FAM110B: variants seen among roughly 807,000 people sequenced by gnomAD.
FAM110B encodes the protein family with sequence similarity 110 member B, also known as protein FAM110B.
Under a neutral mutation model 20.4 loss-of-function variants are expected in FAM110B, and 6 were observed. That is an observed-to-expected ratio of 0.29 (90% CI 0.16 to 0.58). FAM110B has a LOEUF of 0.58. FAM110B is among the 20% of genes least tolerant of loss of function. FAM110B has a pLI of 0.90. For synonymous variants in FAM110B, 226 were observed against 214.1 expected (o/e 1.06, Z -0.49); for missense variants, 434 against 498.2 (o/e 0.87, Z 1.23).
At chr8:58,029,372 G>A (rs1326933625) in intron 1 of FAM110B, among the ~76,000 whole-genome samples, 3 of 152,118 alleles carry the variant, frequency 2.0e-5, no homozygotes, top group African/African-American at 7.2e-5. Context: ...GACAACCTAA[G>A]AATATCCCAA....
intron 3 of FAM110B, among the ~76,000 whole-genome samples, chr8:58,133,305 A>G (rs1467385384): frequency 6.6e-6 from 1 of 150,676 alleles, no homozygotes; most frequent in Non-Finnish European, 1.5e-5. Context: ...TTAGATTTGT[A>G]TTCTTTTATC....
intron 3 of FAM110B, among the ~76,000 whole-genome samples, chr8:58,096,619 G>A (rs1806638482): frequency 6.6e-6 from 1 of 152,156 alleles, no homozygotes; most frequent in African/African-American, 2.4e-5. Flanking sequence ...GTTAGTTTAT[G>A]CAGTTTCTTC....
intron 1 of FAM110B, among the ~76,000 whole-genome samples, chr8:58,005,414 A>G (rs1804381041): frequency 6.6e-6 from 1 of 152,226 alleles, no homozygotes; most frequent in Non-Finnish European, 1.5e-5. Context: ...AAAAGTTTAA[A>G]ATATTGTGCG....
chr8:58,030,980 T>C (rs1338216760), intron 1 of FAM110B, among the ~76,000 whole-genome samples: 1 of 152,214 alleles, frequency 6.6e-6, no homozygotes, highest in Non-Finnish European at 1.5e-5. Context: ...GTCCAGTCGA[T>C]GTTAATTTTT....
At chr8:58,084,654 C>CT (rs1806286599) in intron 3 of FAM110B, among the ~76,000 whole-genome samples, 1 of 152,104 alleles carries the variant, frequency 6.6e-6, no homozygotes, top group African/African-American at 2.4e-5. Context: ...GCTCAAAGTG[C>CT]TGGGATTATA....
At chr8:58,093,691 A>T (rs1371859595) in intron 3 of FAM110B, among the ~76,000 whole-genome samples, 3 of 152,100 alleles carry the variant, frequency 2.0e-5, no homozygotes. Context: ...TGATGCCTCC[A>T]GCTTTGTTCT....
chr8:58,067,143 G>A (rs1293595296), intron 2 of FAM110B, among the ~76,000 whole-genome samples: 1 of 152,184 alleles, frequency 6.6e-6, no homozygotes, highest in East Asian at 1.9e-4. Flanking sequence ...AGCTGTAACA[G>A]TTGTAACAAT....
intron 3 of FAM110B, among the ~76,000 whole-genome samples, chr8:58,135,912 T>G (rs1286908926): frequency 6.6e-6 from 1 of 151,960 alleles, no homozygotes; most frequent in Non-Finnish European, 1.5e-5. Context: ...ATCACCGAGT[T>G]CATTGAGTTG....
chr8:58,072,515 T>G (rs1805925365), intron 2 of FAM110B, among the ~76,000 whole-genome samples: 1 of 152,226 alleles, frequency 6.6e-6, no homozygotes, highest in African/African-American at 2.4e-5. Context: ...AACCAAAATA[T>G]GTGCTTTTAT....
At chr8:58,075,466 T>C (rs1806015298) in intron 2 of FAM110B, 69 bp from the exon 3 acceptor site, 1 of 152,156 alleles carries the variant, frequency 6.6e-6, no homozygotes. Context: ...TTGCTAAATG[T>C]ATTTAATAGC....
At chr8:58,047,785 C>T (rs2150579444) in intron 2 of FAM110B, among the ~76,000 whole-genome samples, 1 of 152,026 alleles carries the variant, frequency 6.6e-6, no homozygotes, top group Admixed American at 6.6e-5. Flanking sequence ...TTTTTCTGGG[C>T]TATTCAGTGT....
intron 2 of FAM110B, among the ~76,000 whole-genome samples, chr8:58,052,531 C>T (rs1563352058): frequency 2.6e-5 from 4 of 151,956 alleles, no homozygotes; most frequent in Admixed American, 2.0e-4. Context: ...AAACTTCTGT[C>T]CTTGTGAGGC....
chr8:58,119,413 A>G (rs1017159230), intron 3 of FAM110B, among the ~76,000 whole-genome samples: 1 of 152,172 alleles, frequency 6.6e-6, no homozygotes, highest in African/African-American at 2.4e-5. Context: ...CCTCTTTTAT[A>G]AAAGGGCACT....
At chr8:58,145,140 ACAAT>A (rs1485315828) in intron 3 of FAM110B, among the ~76,000 whole-genome samples, 2 of 152,202 alleles carry the variant, frequency 1.3e-5, no homozygotes, top group Non-Finnish European at 2.9e-5. Context: ...TAACTTAGGG[ACAAT>A]CAAATTATCT....
chr8:58,091,825 G>T (rs907787603), intron 3 of FAM110B, among the ~76,000 whole-genome samples: 4 of 152,186 alleles, frequency 2.6e-5, no homozygotes, highest in African/African-American at 9.7e-5. Context: ...TCCCTGCATG[G>T]CAGAGCAGCC....
Position 58,060,184 on chromosome 8 carries a change from G to A in FAM110B, c.-413-15351G>A, listed in dbSNP as rs112072438. Among the ~76,000 whole-genome samples the A allele has an allele frequency of 6.4e-3, 969 of 152,238 alleles. 22 individuals carry two copies. The highest frequency in any genetic ancestry group is 0.022 in the African/African-American group (932 of 41,542). On this transcript the variant is annotated intron_variant, in intron 2 of 3. Transcript: ENST00000519262. ...GGGGGAAGAGGATACTTTCTTATCAGTGGGAACACAGGCAACCTACCTATC... is the reference window on the plus strand; with the variant it reads ...GGGGGAAGAGGATACTTTCTTATCAATGGGAACACAGGCAACCTACCTATC...
intron 3 of FAM110B, among the ~76,000 whole-genome samples, chr8:58,116,058 A>G (rs1265896624): frequency 6.6e-6 from 1 of 152,162 alleles, no homozygotes; most frequent in Non-Finnish European, 1.5e-5. Flanking sequence ...ACAGATCAAG[A>G]CTGCTTAAAT....
intron 3 of FAM110B, among the ~76,000 whole-genome samples, chr8:58,106,612 G>T (rs897504155): frequency 6.6e-6 from 1 of 152,134 alleles, no homozygotes; most frequent in Non-Finnish European, 1.5e-5. Context: ...GAGGAATGGG[G>T]TTTTGACAGA....
At chr8:58,006,465 T>C (rs188586527) in intron 1 of FAM110B, among the ~76,000 whole-genome samples, 1 of 152,302 alleles carries the variant, frequency 6.6e-6, no homozygotes, top group East Asian at 1.9e-4. Context: ...TTCAGTAGGC[T>C]GACTGTGGGT....
Sources: allele counts gnomAD v4.1 joint callset (sites outside exome capture counted in the v4.1 genomes callset), GRCh38; gene constraint gnomAD v4.1.1; transcripts MANE v1.5; gene names NCBI Gene and HGNC (gene_info 2026-07-23, HGNC 2026-07-21).